The following EXOC1 variants were observed in gnomAD, a reference collection of about 807,000 sequenced individuals.
EXOC1 encodes SEC3-like 1.
In EXOC1, 67 loss-of-function variants were observed where a neutral mutation model predicts 107.7. The ratio of observed to expected loss-of-function variants is 0.62; its 90% CI spans 0.51 to 0.76. The LOEUF is 0.76. Among genes scored for constraint, EXOC1 ranks in the 30% least tolerant of loss-of-function variants. The pLI, the probability that EXOC1 is intolerant of heterozygous loss-of-function variation, is 0.00. For synonymous variants in EXOC1, 348 were observed against 353.5 expected, an observed-to-expected ratio of 0.98 and a Z score of 0.17; for missense variants, 833 against 1,055.7, an observed-to-expected ratio of 0.79 and a Z score of 2.92.
chr4:55,887,202 T>G (rs1293561545), intron 10 of EXOC1, among the ~76,000 whole-genome samples: 3 of 152,134 alleles, frequency 2.0e-5, no homozygotes, highest in Non-Finnish European at 4.4e-5. Flanking sequence ...ATACATACAT[T>G]TACATAATCA....
In EXOC1 at chr4:55,897,708, C is replaced by T. The variant is rs180988256; in HGVS notation, c.2137+808C>T. ...TCGGCTCGCTGCAACCTTCACCTCC[C>T]GAGTTCAAGCAATTCTGCTGCCTCA... On this transcript the variant is annotated intron_variant, in intron 16 of 18. Transcript: ENST00000381295. Among the ~76,000 whole-genome samples the T allele has an allele frequency of 1.3e-4, 20 of 152,230 alleles. No homozygotes were observed. The East Asian group carries it at 1.7e-3, about 13-fold the overall frequency.
At position 55,891,402 on chromosome 4, in the gene EXOC1, C is replaced by T. The variant is rs773943598; in HGVS notation, c.1627C>T (p.Gln543Ter). ...ISKFFKLQQHQSMPGTMAEAE... is the reference protein window; with the variant it reads ...ISKFFKLQQH ...TAAATTTTTCAAACTACAGCAACAT[C>T]AAAGTATGCCTGGAACTATGGTATG... Residue 543 changes from glutamine to a stop codon, truncating the protein, a stop_gained, in exon 13 of 19, where the codon CAA (glutamine) becomes TAA (stop). Transcript: ENST00000381295. LOFTEE classifies it high-confidence loss of function. 5 of 1,610,478 alleles carry T rather than the reference C, an allele frequency of 3.1e-6. No individual in the cohort carries two copies. Among genetic ancestry groups the T allele is most frequent in the Non-Finnish European group, 4.2e-6 (5 of 1,176,868 alleles).
intron 4 of EXOC1, among the ~76,000 whole-genome samples, chr4:55,865,444 C>T (rs1367568506): frequency 2.6e-5 from 4 of 152,150 alleles, no homozygotes; most frequent in Non-Finnish European, 5.9e-5. Context: ...GTAGGAATCC[C>T]CAGGGTTGCC....
intron 9 of EXOC1, among the ~76,000 whole-genome samples, chr4:55,882,099 T>TTTGCTG (rs1560347616): frequency 6.6e-6 from 1 of 150,872 alleles, no homozygotes; most frequent in African/African-American, 2.4e-5. Flanking sequence ...CCATAGGGTT[T>TTTGCTG]TTGTTGTTGT....
At chr4:55,883,182 T>C (rs780339114) in intron 9 of EXOC1, 1 of 152,094 alleles carries the variant, frequency 6.6e-6, no homozygotes, top group African/African-American at 2.4e-5. Flanking sequence ...TATTTTGGAG[T>C]AATATCCCAA....
intron 5 of EXOC1, 61 bp downstream of exon 5, chr4:55,868,584 G>C: frequency 6.8e-7 from 1 of 1,477,702 alleles, no homozygotes; most frequent in South Asian, 1.3e-5. Flanking sequence ...GGCTAATGAT[G>C]TTCATATTAT....
rs757166335 is a variant in EXOC1 at position 55,904,434 on chromosome 4, C to T, written c.2624C>T (p.Thr875Ile). 2 of 1,612,846 alleles carry T rather than the reference C, an allele frequency of 1.2e-6. No homozygotes were observed. The highest frequency in any genetic ancestry group is 1.7e-6 in the Non-Finnish European group (2 of 1,179,682). Reference protein sequence around the residue: ...IARCYPGSGVTMEFTIQDILD... With the variant: ...IARCYPGSGVIMEFTIQDILD... Reference sequence around the variant, plus strand: ...CGCTGTTATCCTGGATCTGGTGTTACAATGGAATTCACTATTCAGGACATT... The same window carrying T: ...CGCTGTTATCCTGGATCTGGTGTTATAATGGAATTCACTATTCAGGACATT... Residue 875 changes from threonine to isoleucine, a missense_variant, in exon 19 of 19, where the codon ACA becomes ATA. By Grantham distance (89) the Thr-to-Ile change is moderately conservative. Around this residue, in one of 2 missense-constraint regions of EXOC1, gnomAD observed 216 missense variants for 354.4 expected, o/e 0.61. Coordinates refer to ENST00000381295, the MANE Select transcript of EXOC1 (RefSeq NM_001024924.2).
At chr4:55,875,379 A>G (rs1722800898) in intron 8 of EXOC1, 2 of 933,478 alleles carry the variant, frequency 2.1e-6, no homozygotes, top group Non-Finnish European at 2.6e-6. Flanking sequence ...TTAAGAAAAG[A>G]ATAAGTAAGT....
intron 3 of EXOC1, 71 bp from the exon 4 acceptor site, chr4:55,864,156 A>T (rs989870361): frequency 5.3e-5 from 53 of 997,364 alleles, no homozygotes; most frequent in Non-Finnish European, 6.6e-5. Context: ...GTAAATGCCT[A>T]TGCAGATTTT....
intron 14 of EXOC1, 74 bp downstream of exon 14, chr4:55,892,785 G>A: frequency 1.4e-6 from 2 of 1,403,184 alleles, no homozygotes; most frequent in Non-Finnish European, 1.0e-6. Context: ...CTCATTGAGG[G>A]GTCTAGATGT....
chr4:55,868,215 C>T, intron 4 of EXOC1, 121 bp from the exon 5 acceptor site: 1 of 611,204 alleles, frequency 1.6e-6, no homozygotes, highest in South Asian at 5.8e-5. Context: ...TTGAATCATT[C>T]TATCCTCTTT....
rs761564803 is a variant in EXOC1, at chr4:55,860,392, T to A, written c.125-19T>A. On this transcript the variant is annotated intron_variant, in intron 2 of 18. Transcript: ENST00000381295. The stretch of plus-strand genomic sequence containing the variant: ...AAAGGGGTAATATTTCTAATAAAAG[T>A]GTGCGTTTTACTCAACAGTGACAAC... The A allele has an allele frequency of 6.2e-7, 1 of 1,612,592 alleles. No individual in the cohort carries two copies. The highest frequency in any genetic ancestry group is 1.3e-5 in the African/African-American group (1 of 74,908).
At position 55,889,081 on chromosome 4, in the gene EXOC1, G is replaced by A. The variant is rs547790422; in HGVS notation, c.1375+149G>A. On this transcript the variant is annotated intron_variant, in intron 11 of 18. Transcript: ENST00000381295. ...GAAAGAAAGCCAACATGATGGTAGT[G>A]ATATGGCTGTATCCAAGAAATATAT... 5.3e-4 allele frequency: 359 copies of A among 682,764 alleles called. 1 individual carries two copies. The highest frequency in any genetic ancestry group is 8.5e-4 in the Non-Finnish European group (327 of 384,158). The allele number at this position is 682,764 out of a possible 1,614,324, so 42.3% of individuals were successfully genotyped here. A position where few individuals can be genotyped will look rare whatever the true frequency, so the allele number is the denominator to read the frequency against.
chr4:55,902,152 T>C (rs969369014), intron 17 of EXOC1, 192 bp from the exon 18 acceptor site: 3 of 382,198 alleles, frequency 7.8e-6, no homozygotes, highest in Non-Finnish European at 1.4e-5. Context: ...CATCAAAAGA[T>C]TACAAGGAAC....
chr4:55,904,399 T>G lies in EXOC1; in HGVS notation c.2589T>G (p.Gly863=), dbSNP rs10022159. The change falls in exon 19 of 19, where the codon GGT becomes GGG. Residue 863 remains glycine, a synonymous_variant. Coordinates refer to ENST00000381295, the MANE Select transcript of EXOC1 (RefSeq NM_001024924.2). ...TACGCCAGTATAAGCACTTTGAAGG[T>G]TTGATAGCTCGCTGTTATCCTGGAT... is the stretch of plus-strand genomic sequence containing the variant. ...EFIRQYKHFE[G]LIARCYPGSG... is the part of the protein sequence containing the mutation. 3.4e-4 allele frequency: 543 copies of G among 1,612,718 alleles called. 1 individual carries two copies. The African/African-American group carries it at 6.0e-3, about 18-fold the overall frequency.
chr4:55,857,264 C>T (rs1379229098), intron 1 of EXOC1, among the ~76,000 whole-genome samples: 8 of 143,882 alleles, frequency 5.6e-5, no homozygotes, highest in African/African-American at 7.8e-5. Context: ...CTGCAAGCTC[C>T]GCCTCCCGAG....
intron 3 of EXOC1, 78 bp from the exon 4 acceptor site, chr4:55,864,149 A>C: frequency 1.1e-6 from 1 of 935,314 alleles, no homozygotes; most frequent in Non-Finnish European, 1.6e-6. Context: ...AAACAGCGTA[A>C]ATGCCTATGC....
intron 18 of EXOC1, among the ~76,000 whole-genome samples, chr4:55,903,649 A>G (rs943004516): frequency 7.9e-5 from 12 of 152,196 alleles, no homozygotes; most frequent in African/African-American, 2.9e-4. Flanking sequence ...GGTCATCATG[A>G]GACTTAATAC....
intron 11 of EXOC1, among the ~76,000 whole-genome samples, chr4:55,889,953 A>G (rs1724321847): frequency 6.6e-6 from 1 of 152,216 alleles, no homozygotes; most frequent in Non-Finnish European, 1.5e-5. Flanking sequence ...TGGGCAGGTT[A>G]TAGACAATAT....
Sources: allele counts gnomAD v4.1 joint callset (sites outside exome capture counted in the v4.1 genomes callset), GRCh38; gene constraint gnomAD v4.1.1; regional missense constraint gnomAD v4.1.1; transcripts MANE v1.5; gene names NCBI Gene and HGNC (gene_info 2026-07-23, HGNC 2026-07-21).